Variants in PPTC7 observed in about 807,000 individuals in gnomAD.
PPTC7 encodes the protein protein phosphatase targeting COQ7, also known as protein phosphatase PTC7 homolog.
In PPTC7, 6 loss-of-function variants were observed where a neutral mutation model predicts 30.8. That is an observed-to-expected ratio of 0.19 (90% CI 0.11 to 0.38). The LOEUF is 0.38. PPTC7 is among the 10% of genes least tolerant of loss of function. PPTC7 has a pLI of 1.00. For missense variants in PPTC7, 218 were observed against 404.8 expected, an observed-to-expected ratio of 0.54 and a Z score of 3.96; for synonymous variants, 163 against 168.1, an observed-to-expected ratio of 0.97 and a Z score of 0.23.
At chr12:110,557,649 T>C (rs1341299156) in intron 1 of PPTC7, among the ~76,000 whole-genome samples, 1 of 152,212 alleles carries the variant, frequency 6.6e-6, no homozygotes, top group Non-Finnish European at 1.5e-5. Flanking sequence ...TATAACAATA[T>C]ACTATAATAA....
At chr12:110,577,188 A>AT (rs375066778) in intron 1 of PPTC7, among the ~76,000 whole-genome samples, 5,760 of 149,054 alleles carry the variant, frequency 0.039, 193 homozygotes, top group Non-Finnish European at 0.064. Flanking sequence ...AAAAAAAAAA[A>AT]TTCACTCAGG....
chr12:110,543,538 C>G (rs2064281048), intron 3 of PPTC7, among the ~76,000 whole-genome samples: 1 of 152,114 alleles, frequency 6.6e-6, no homozygotes, highest in Non-Finnish European at 1.5e-5. Context: ...TCTGCTCAGC[C>G]TTTGAAAGCT....
chr12:110,549,060 G>A (rs569151879), intron 2 of PPTC7, among the ~76,000 whole-genome samples: 1 of 152,206 alleles, frequency 6.6e-6, no homozygotes, highest in East Asian at 1.9e-4. Context: ...GAACCCAGGC[G>A]AGTCCCTCAT....
chr12:110,561,310 T>A (rs148209136), intron 1 of PPTC7, among the ~76,000 whole-genome samples: 3 of 152,292 alleles, frequency 2.0e-5, no homozygotes, highest in Admixed American at 2.0e-4. Flanking sequence ...ACATTTCTTT[T>A]TTTTTTCTTT....
At chr12:110,547,020 A>C (rs1593147350) in intron 2 of PPTC7, among the ~76,000 whole-genome samples, 1 of 152,238 alleles carries the variant, frequency 6.6e-6, no homozygotes, top group East Asian at 1.9e-4. Flanking sequence ...AAGTAAAAGT[A>C]AACAACTTTC....
intron 1 of PPTC7, among the ~76,000 whole-genome samples, chr12:110,569,201 C>T (rs763127102): frequency 3.3e-5 from 5 of 151,868 alleles, no homozygotes; most frequent in Non-Finnish European, 5.9e-5. Flanking sequence ...GGCATGGTGG[C>T]GGGCACCTGT....
intron 1 of PPTC7, among the ~76,000 whole-genome samples, chr12:110,556,265 G>A (rs550890757): frequency 9.2e-5 from 14 of 152,238 alleles, no homozygotes; most frequent in African/African-American, 3.4e-4. Flanking sequence ...AATCTCTTTA[G>A]GGGAGAGAGA....
rs149153006 is a variant in PPTC7 at position 110,562,843 on chromosome 12, C to T, written c.224-10875G>A. Among the ~76,000 whole-genome samples, 138 of 151,214 alleles carry T rather than the reference C, an allele frequency of 9.1e-4. 1 individual carries two copies. The highest frequency in any genetic ancestry group is 3.4e-3 in the Middle Eastern group (1 of 292). On this transcript the variant is annotated intron_variant, in intron 1 of 5. Coordinates refer to ENST00000354300, the MANE Select transcript of PPTC7 (RefSeq NM_139283.2). ...AAAAAAGAAGAAAGATGTTTCTGGC[C>T]AGTCGCGGTGGCTCATGCCTATAAT...
chr12:110,560,472 TAC>T (rs1323326859), intron 1 of PPTC7, among the ~76,000 whole-genome samples: 7 of 152,130 alleles, frequency 4.6e-5, no homozygotes, highest in African/African-American at 9.7e-5. Context: ...TCTTCCCAAT[TAC>T]ACAGTCACCT....
intron 3 of PPTC7, among the ~76,000 whole-genome samples, chr12:110,545,102 G>GT (rs917501546): frequency 1.0e-3 from 152 of 151,292 alleles, no homozygotes; most frequent in African/African-American, 3.1e-3. Context: ...TATTGTTTTG[G>GT]TTTTTTTTGA....
chr12:110,554,136 G>A (rs749126969), intron 1 of PPTC7, among the ~76,000 whole-genome samples: 1 of 152,038 alleles, frequency 6.6e-6, no homozygotes, highest in Non-Finnish European at 1.5e-5. Context: ...TATAAGCATC[G>A]GCCACTGCAT....
intron 2 of PPTC7, among the ~76,000 whole-genome samples, chr12:110,549,374 TA>T (rs796318491): frequency 0.023 from 3,327 of 147,038 alleles, 109 homozygotes; most frequent in African/African-American, 0.076. Context: ...GTTGCTGGAT[TA>T]AAAAAAAAAA....
At chr12:110,570,080 G>A (rs1468346316) in intron 1 of PPTC7, among the ~76,000 whole-genome samples, 14 of 152,100 alleles carry the variant, frequency 9.2e-5, no homozygotes, top group Non-Finnish European at 4.4e-5. Context: ...CTGTGTCTGT[G>A]TAGAAAGAAG....
chr12:110,575,086 C>T (rs946251166), intron 1 of PPTC7, among the ~76,000 whole-genome samples: 5 of 151,722 alleles, frequency 3.3e-5, no homozygotes, highest in Non-Finnish European at 4.4e-5. Context: ...CCACCGTGCC[C>T]GGCCCCTATC....
chr12:110,537,891 G>A (rs1265556846), intron 5 of PPTC7, among the ~76,000 whole-genome samples: 1 of 152,216 alleles, frequency 6.6e-6, no homozygotes, highest in Non-Finnish European at 1.5e-5. Flanking sequence ...GCATTGCGGT[G>A]GCGGCAATAA....
chr12:110,580,536 T>G (rs1266551678), intron 1 of PPTC7, among the ~76,000 whole-genome samples: 2 of 152,014 alleles, frequency 1.3e-5, no homozygotes, highest in African/African-American at 4.8e-5. Flanking sequence ...GACGGGGTTT[T>G]GCCATGTTGG....
intron 1 of PPTC7, 104 bp downstream of exon 1, chr12:110,582,705 C>G (rs897578012): frequency 1.6e-5 from 16 of 1,022,696 alleles, no homozygotes; most frequent in Non-Finnish European, 2.2e-5. Context: ...CATGTGAGCG[C>G]TCTGGCTCCT....
intron 3 of PPTC7, among the ~76,000 whole-genome samples, chr12:110,544,487 C>T (rs888384114): frequency 1.2e-4 from 18 of 152,190 alleles, no homozygotes; most frequent in African/African-American, 4.1e-4. Flanking sequence ...TGAGGCTTTG[C>T]CTTACTCTGG....
At chr12:110,568,251 G>A (rs1158602781) in intron 1 of PPTC7, among the ~76,000 whole-genome samples, 1 of 148,372 alleles carries the variant, frequency 6.7e-6, no homozygotes, top group Non-Finnish European at 1.5e-5. Flanking sequence ...ACAATCTCAT[G>A]CGTTTTTTTT....
Sources: gnomAD v4.1 joint callset for allele counts (sites outside exome capture counted in the v4.1 genomes callset) on GRCh38, gnomAD v4.1.1 for gene constraint, MANE v1.5 for transcripts, NCBI Gene and HGNC (gene_info 2026-07-23, HGNC 2026-07-21) for gene names.